MACROD2: variants seen among roughly 807,000 people sequenced by gnomAD.
MACROD2 encodes the protein ADP-ribose glycohydrolase MACROD2.
Under a neutral mutation model 70.4 loss-of-function variants are expected in MACROD2, and 36 were observed. That is an observed-to-expected ratio of 0.51 (90% CI 0.39 to 0.68). The LOEUF (loss-of-function observed/expected upper bound fraction) is 0.68. Among genes scored for constraint, MACROD2 ranks in the 30% least tolerant of loss-of-function variants. The pLI, the probability that MACROD2 is intolerant of heterozygous loss-of-function variation, is 0.00. For missense variants in MACROD2, 496 were observed against 538.4 expected, an observed-to-expected ratio of 0.92 and a Z score of 0.78; for synonymous variants, 172 against 178.8, an observed-to-expected ratio of 0.96 and a Z score of 0.30.
chr20:14,288,526 C>T (rs1414150151), intron 3 of MACROD2, among the ~76,000 whole-genome samples: 2 of 152,218 alleles, frequency 1.3e-5, no homozygotes, highest in African/African-American at 2.4e-5. Flanking sequence ...TTATCCTGGT[C>T]CTGCCCAAGT....
chr20:15,974,859 A>G (rs976229122), intron 13 of MACROD2, among the ~76,000 whole-genome samples: 6 of 152,198 alleles, frequency 3.9e-5, no homozygotes, highest in African/African-American at 9.6e-5. Context: ...AGGCATACAC[A>G]TATCTGTAAT....
chr20:14,682,158 G>T (rs1239554609), intron 4 of MACROD2, among the ~76,000 whole-genome samples: 2 of 152,084 alleles, frequency 1.3e-5, no homozygotes, highest in Non-Finnish European at 2.9e-5. Flanking sequence ...TCTAAATAAT[G>T]CAGGTAATAT....
At chr20:14,072,334 C>G (rs1395681724) in intron 2 of MACROD2, among the ~76,000 whole-genome samples, 4 of 152,052 alleles carry the variant, frequency 2.6e-5, no homozygotes, top group African/African-American at 9.7e-5. Flanking sequence ...TTAGACAGTT[C>G]ATTCACAGAT....
chr20:14,534,653 G>A (rs1268611001), intron 4 of MACROD2, among the ~76,000 whole-genome samples: 1 of 152,156 alleles, frequency 6.6e-6, no homozygotes, highest in African/African-American at 2.4e-5. Flanking sequence ...GATCCTCAGA[G>A]TCTAAAAATA....
At chr20:15,889,606 C>G (rs1355674230) in intron 10 of MACROD2, among the ~76,000 whole-genome samples, 1 of 152,166 alleles carries the variant, frequency 6.6e-6, no homozygotes, top group Non-Finnish European at 1.5e-5. Context: ...GCAGACTGGC[C>G]TAAATGCCTA....
intron 5 of MACROD2, among the ~76,000 whole-genome samples, chr20:14,736,479 TA>T (rs1335383413): frequency 6.6e-6 from 1 of 152,132 alleles, no homozygotes. Context: ...GTTTAAATAT[TA>T]AAAAACCTAA....
intron 2 of MACROD2, among the ~76,000 whole-genome samples, chr20:14,073,402 G>T (rs1314165428): frequency 6.6e-6 from 1 of 151,894 alleles, no homozygotes; most frequent in Non-Finnish European, 1.5e-5. Context: ...ATTTAACTTT[G>T]GTTGAAAGGA....
chr20:15,449,198 A>C (rs1220470253), intron 7 of MACROD2, among the ~76,000 whole-genome samples: 11 of 152,122 alleles, frequency 7.2e-5, no homozygotes, highest in Non-Finnish European at 2.9e-5. Context: ...TACTCATGGC[A>C]TTGAAATGAA....
At chr20:15,104,975 A>C (rs2075900094) in intron 5 of MACROD2, among the ~76,000 whole-genome samples, 1 of 152,154 alleles carries the variant, frequency 6.6e-6, no homozygotes, top group South Asian at 2.1e-4. Context: ...TTAATCCATA[A>C]ATGTGCACCA....
intron 5 of MACROD2, among the ~76,000 whole-genome samples, chr20:14,709,254 C>A (rs773075044): frequency 2.0e-4 from 30 of 151,478 alleles, no homozygotes; most frequent in South Asian, 6.2e-4. Flanking sequence ...AAAATATATT[C>A]CTGAGTTCTA....
chr20:14,419,558 C>G (rs1319148250), intron 3 of MACROD2, among the ~76,000 whole-genome samples: 1 of 152,122 alleles, frequency 6.6e-6, no homozygotes, highest in Non-Finnish European at 1.5e-5. Context: ...TAACCATTCC[C>G]CTCCTCCCGC....
At chr20:14,971,158 A>G (rs2074687442) in intron 5 of MACROD2, among the ~76,000 whole-genome samples, 1 of 152,206 alleles carries the variant, frequency 6.6e-6, no homozygotes, top group Admixed American at 6.5e-5. Context: ...TGTAAATACT[A>G]TACAAATAGT....
chr20:16,041,458 A>T (rs2067306661), intron 16 of MACROD2, among the ~76,000 whole-genome samples, 180 bp downstream of exon 16: 1 of 152,044 alleles, frequency 6.6e-6, no homozygotes, highest in Non-Finnish European at 1.5e-5. Flanking sequence ...TATTTAAAAA[A>T]AAAACCTGTT....
rs531130760 is a variant in MACROD2, at chr20:15,229,620, A to G, written c.419-320A>G. On this transcript the variant is annotated intron_variant, in intron 5 of 17. Coordinates refer to ENST00000684519, the MANE Select transcript of MACROD2 (RefSeq NM_001351661.2). ...TTCCCCAGTTTATTTCCCGCCAAGG[A>G]TTTGTCTTTTTCCAGGGAGCCAATT... Among the ~76,000 whole-genome samples the G allele has an allele frequency of 3.5e-4, 53 of 152,214 alleles. 1 individual carries two copies. In the South Asian group the frequency reaches 9.6e-3, roughly 27 times the overall value.
intron 5 of MACROD2, among the ~76,000 whole-genome samples, chr20:14,746,536 T>C (rs535214713): frequency 3.9e-4 from 59 of 152,290 alleles, no homozygotes; most frequent in African/African-American, 1.4e-3. Flanking sequence ...TCTGTGTGTA[T>C]AGCCTGTAAT....
At chr20:15,566,145 T>C (rs1277921542) in intron 8 of MACROD2, among the ~76,000 whole-genome samples, 1 of 152,128 alleles carries the variant, frequency 6.6e-6, no homozygotes, top group Admixed American at 6.6e-5. Flanking sequence ...AAATAATATA[T>C]GCAGTTGATA....
At chr20:15,422,707 A>C (rs1373097406) in intron 6 of MACROD2, among the ~76,000 whole-genome samples, 4 of 152,218 alleles carry the variant, frequency 2.6e-5, no homozygotes, top group African/African-American at 9.6e-5. Context: ...ATACTATAAA[A>C]TTGCCTGTCT....
chr20:15,769,823 G>A (rs2051591939), intron 8 of MACROD2, among the ~76,000 whole-genome samples: 1 of 152,176 alleles, frequency 6.6e-6, no homozygotes, highest in Non-Finnish European at 1.5e-5. Context: ...ATTTGAGAGT[G>A]AGTGTGCAAG....
intron 8 of MACROD2, among the ~76,000 whole-genome samples, chr20:15,699,381 C>T (rs763339863): frequency 2.1e-4 from 32 of 152,290 alleles, no homozygotes; most frequent in Non-Finnish European, 2.9e-4. Context: ...TACCTGGCTC[C>T]GGGCTGGTAC....
Sources: allele counts gnomAD v4.1 joint callset (sites outside exome capture counted in the v4.1 genomes callset), GRCh38; gene constraint gnomAD v4.1.1; transcripts MANE v1.5; gene names NCBI Gene and HGNC (gene_info 2026-07-23, HGNC 2026-07-21).